The following RGPD3 variants were observed in gnomAD, a reference collection of about 807,000 sequenced individuals.
RGPD3 encodes ranBP2-like and GRIP domain-containing protein 3.
In RGPD3, 62 loss-of-function variants were observed where a neutral mutation model predicts 154.5. The observed-to-expected ratio is 0.40, with a 90% CI of 0.33 to 0.50. The LOEUF is 0.50. Ranked by LOEUF, RGPD3 falls within the 20% of genes least tolerant of loss-of-function variation. The pLI is 0.59. For missense variants in RGPD3, 919 were observed against 1,716.8 expected (o/e 0.54, Z 8.21); for synonymous variants, 308 against 607.0 (o/e 0.51, Z 7.24).
At position 106,428,554 on chromosome 2, in the gene RGPD3, TTC is replaced by T. The variant is rs1433493862; in HGVS notation, c.2605+1090_2605+1091del. On this transcript the variant is annotated intron_variant, in intron 18 of 22. Coordinates refer to ENST00000409886, the MANE Select transcript of RGPD3 (RefSeq NM_001144013.2). Reference sequence around the variant, plus strand: ...TAATAAGCTTGACTTCACAAAGATTTTCTGTTATTTTGCTTGTGTTGAGAAGA... The same window carrying T: ...TAATAAGCTTGACTTCACAAAGATTTTGTTATTTTGCTTGTGTTGAGAAGA... Among the ~76,000 whole-genome samples the T allele has an allele frequency of 7.4e-5, 11 of 149,498 alleles. 1 individual carries two copies. The East Asian group carries it at 1.8e-3, about 25-fold the overall frequency.
chr2:106,409,236 T>C (rs922302313), intron 22 of RGPD3, among the ~76,000 whole-genome samples: 2 of 151,958 alleles, frequency 1.3e-5, no homozygotes, highest in African/African-American at 2.4e-5. Flanking sequence ...ATGTATGCAG[T>C]GTTGGTTATT....
At chr2:106,412,887 A>G in intron 22 of RGPD3, 197 bp downstream of exon 22, 1 of 626,338 alleles carries the variant, frequency 1.6e-6, no homozygotes, top group South Asian at 2.0e-5. Context: ...GCTGAACGTT[A>G]AAATTATATA....
intron 7 of RGPD3, among the ~76,000 whole-genome samples, chr2:106,442,486 C>A (rs1443767740): frequency 1.3e-4 from 9 of 69,148 alleles, no homozygotes; most frequent in South Asian, 1.4e-3. Context: ...GATCCTAATG[C>A]AATAACCTAT....
chr2:106,467,096 G>T (rs1678637601), intron 1 of RGPD3, among the ~76,000 whole-genome samples: 1 of 108,516 alleles, frequency 9.2e-6, no homozygotes, highest in African/African-American at 3.0e-5. Flanking sequence ...GGCCGCCGCA[G>T]GGCCAGGTCG....
At chr2:106,465,809 G>A (rs1678557239) in intron 1 of RGPD3, among the ~76,000 whole-genome samples, 1 of 151,750 alleles carries the variant, frequency 6.6e-6, no homozygotes, top group Non-Finnish European at 1.5e-5. Flanking sequence ...GAGGAGTGGA[G>A]TGGAGCTGGA....
chr2:106,462,446 G>A (rs1456009568), intron 1 of RGPD3, among the ~76,000 whole-genome samples: 2 of 150,634 alleles, frequency 1.3e-5, no homozygotes, highest in Non-Finnish European at 3.0e-5. Context: ...TATGTAAACA[G>A]GACAATATCT....
chr2:106,441,067 A>T (rs1172937538), intron 8 of RGPD3, among the ~76,000 whole-genome samples: 1 of 147,618 alleles, frequency 6.8e-6, no homozygotes, highest in Non-Finnish European at 1.5e-5. Context: ...AGAAAGAGTT[A>T]AGAAATCCTC....
chr2:106,407,271 T>A (rs921255586), intron 22 of RGPD3, among the ~76,000 whole-genome samples: 1 of 151,998 alleles, frequency 6.6e-6, no homozygotes, highest in Non-Finnish European at 1.5e-5. Flanking sequence ...AGCCACAATC[T>A]CTTGTAATCT....
chr2:106,425,232 T>C lies in RGPD3; in HGVS notation c.2735A>G (p.Glu912Gly). The C allele has an allele frequency of 6.2e-7, 1 of 1,611,570 alleles. No individual in the cohort carries two copies. Residue 912 changes from glutamate to glycine, a missense_variant, in exon 20 of 23, where the codon GAA becomes GGA. By Grantham distance (98) the Glu-to-Gly change is moderately conservative. Transcript: ENST00000409886. ...SSNTEFKSTK[E>G]GFSIPVSADG... ...AGCAGACACAGGGATGGAAAATCCT[T>C]CTTTGGTTGACTTAAATTCTGTATT... is the stretch of plus-strand genomic sequence containing the variant.
intron 22 of RGPD3, among the ~76,000 whole-genome samples, chr2:106,412,506 C>T (rs1312338947): frequency 5.3e-5 from 8 of 151,188 alleles, no homozygotes; most frequent in Non-Finnish European, 1.2e-4. Flanking sequence ...GACGAGATTT[C>T]ACCATGTTGG....
intron 20 of RGPD3, 40 bp downstream of exon 20, chr2:106,423,003 A>G (rs1262848860): frequency 9.8e-7 from 1 of 1,022,204 alleles, no homozygotes; most frequent in Admixed American, 1.9e-5. Context: ...ACATTAAAAG[A>G]AAGAAAAATT....
chr2:106,448,276 C>T (rs1677995922), intron 6 of RGPD3, among the ~76,000 whole-genome samples: 1 of 152,118 alleles, frequency 6.6e-6, no homozygotes, highest in Non-Finnish European at 1.5e-5. Context: ...CCCCGCTAAA[C>T]TTTTTTTATA....
At chr2:106,466,437 G>C in intron 1 of RGPD3, among the ~76,000 whole-genome samples, 1 of 126,078 alleles carries the variant, frequency 7.9e-6, no homozygotes. Context: ...CATGACGCCT[G>C]AGCCATCGAG....
intron 1 of RGPD3, among the ~76,000 whole-genome samples, chr2:106,461,294 C>T (rs1487499427): frequency 9.1e-5 from 13 of 143,394 alleles, no homozygotes; most frequent in South Asian, 2.4e-4. Flanking sequence ...CTGCCAGCAT[C>T]GCTACTCTTG....
intron 21 of RGPD3, among the ~76,000 whole-genome samples, chr2:106,414,293 A>T (rs1250167554): frequency 9.9e-5 from 15 of 152,204 alleles, no homozygotes; most frequent in Middle Eastern, 3.2e-3. Context: ...ACAATAAAGA[A>T]GATGAAGAAA....
intron 21 of RGPD3, among the ~76,000 whole-genome samples, chr2:106,414,341 T>C (rs1183307402): frequency 6.6e-6 from 1 of 152,160 alleles, no homozygotes; most frequent in African/African-American, 2.4e-5. Flanking sequence ...ATATAACATT[T>C]GGCCAGGAGT....
chr2:106,462,651 G>A (rs1450685787), intron 1 of RGPD3, among the ~76,000 whole-genome samples: 1 of 152,078 alleles, frequency 6.6e-6, no homozygotes, highest in Non-Finnish European at 1.5e-5. Flanking sequence ...CTTAACATTT[G>A]TGGCCTACTT....
chr2:106,435,879 G>A (rs1223707851), intron 12 of RGPD3, among the ~76,000 whole-genome samples: 1 of 152,208 alleles, frequency 6.6e-6, no homozygotes, highest in Non-Finnish European at 1.5e-5. Context: ...ATAATTATCA[G>A]AACTTAATTA....
At chr2:106,440,389 G>A (rs1677701338) in intron 8 of RGPD3, among the ~76,000 whole-genome samples, 1 of 151,140 alleles carries the variant, frequency 6.6e-6, no homozygotes, top group Admixed American at 6.6e-5. Flanking sequence ...ACTTACAGAG[G>A]CACCCTCGGG....
Sources: gnomAD v4.1 joint callset for allele counts (sites outside exome capture counted in the v4.1 genomes callset) on GRCh38, gnomAD v4.1.1 for gene constraint, MANE v1.5 for transcripts, NCBI Gene and HGNC (gene_info 2026-07-23, HGNC 2026-07-21) for gene names.